Variants in LIMCH1 observed in about 807,000 individuals in gnomAD.
LIMCH1 encodes LIM and calponin homology domains 1, also known as LIM and calponin homology domains-containing protein 1.
A neutral mutation model predicts 176.5 loss-of-function variants in LIMCH1; 113 were observed. The observed-to-expected ratio is 0.64, with a 90% CI of 0.55 to 0.75. LIMCH1 has a LOEUF of 0.75. Ranked by LOEUF, LIMCH1 falls within the 30% of genes least tolerant of loss-of-function variation. The pLI is 0.00. For synonymous variants in LIMCH1, 619 were observed against 645.9 expected, an observed-to-expected ratio of 0.96 and a Z score of 0.63; for missense variants, 1,674 against 1,814.9, an observed-to-expected ratio of 0.92 and a Z score of 1.41.
chr4:41,556,413 A>G (rs1169870290), intron 1 of LIMCH1, among the ~76,000 whole-genome samples: 1 of 149,790 alleles, frequency 6.7e-6, no homozygotes, highest in African/African-American at 2.5e-5. Flanking sequence ...AAAAAAAAAA[A>G]GGAAAGAAAA....
At chr4:41,475,765 C>A (rs1190438089) in intron 1 of LIMCH1, among the ~76,000 whole-genome samples, 1 of 151,968 alleles carries the variant, frequency 6.6e-6, no homozygotes, top group South Asian at 2.1e-4. Context: ...CTAGTGCATG[C>A]GGAGCTTAAA....
intron 1 of LIMCH1, among the ~76,000 whole-genome samples, chr4:41,598,586 A>G (rs2089356047): frequency 6.6e-6 from 1 of 152,204 alleles, no homozygotes; most frequent in African/African-American, 2.4e-5. Flanking sequence ...AGGCAACAAG[A>G]CATGGACAAA....
In LIMCH1 at chr4:41,473,370, G is replaced by A. The variant is rs749874349; in HGVS notation, c.97-21166G>A. On this transcript the variant is annotated intron_variant, in intron 1 of 26. Coordinates refer to the LIMCH1 transcript ENST00000313860. ...GCAGCAATTTAACAAAACAGAGAAA[G>A]AACAGAGCTGTTGATGGTTGGAAAA... is the stretch of plus-strand genomic sequence containing the variant. Among the ~76,000 whole-genome samples the A allele has an allele frequency of 3.3e-5, 5 of 152,186 alleles. No homozygotes were observed. In the East Asian group the frequency reaches 7.7e-4, roughly 23 times the overall value.
intron 2 of LIMCH1, among the ~76,000 whole-genome samples, chr4:41,517,614 C>T (rs2075718292): frequency 6.6e-6 from 1 of 152,184 alleles, no homozygotes; most frequent in Admixed American, 6.5e-5. Flanking sequence ...TTCCAACACT[C>T]TTGTTCATTT....
At chr4:41,662,786 C>G (rs199893832) in intron 19 of LIMCH1, 35 bp from the exon 20 acceptor site, 899 of 1,610,328 alleles carry the variant, frequency 5.6e-4, no homozygotes, top group East Asian at 4.5e-3. Context: ...ATTTTCTTTT[C>G]CTTCTGTACG....
chr4:41,659,418 C>T (rs889339506), intron 18 of LIMCH1, among the ~76,000 whole-genome samples: 2 of 151,986 alleles, frequency 1.3e-5, no homozygotes, highest in Non-Finnish European at 2.9e-5. Context: ...ACATTTTTGC[C>T]ACTAGATGCT....
intron 1 of LIMCH1, among the ~76,000 whole-genome samples, chr4:41,574,065 G>A (rs1469065927): frequency 1.3e-5 from 2 of 152,134 alleles, no homozygotes; most frequent in African/African-American, 2.4e-5. Flanking sequence ...AAACTCAGGC[G>A]GCAGGAAATA....
intron 17 of LIMCH1, among the ~76,000 whole-genome samples, chr4:41,649,517 C>T (rs2094202911): frequency 6.6e-6 from 1 of 152,222 alleles, no homozygotes; most frequent in South Asian, 2.1e-4. Context: ...CATAAAATCT[C>T]CATAACAGCA....
intron 1 of LIMCH1, among the ~76,000 whole-genome samples, chr4:41,494,340 C>CAT (rs2071649038): frequency 1.3e-5 from 2 of 148,798 alleles, no homozygotes; most frequent in East Asian, 3.9e-4. Flanking sequence ...TATACACATA[C>CAT]ATATATATAC....
In LIMCH1 at chr4:41,698,308, A is replaced by G. The variant is rs1021544191; in HGVS notation, c.*1123A>G. On this transcript the variant is annotated 3_prime_UTR_variant, in exon 32 of 32. Coordinates refer to ENST00000503057, the MANE Select transcript of LIMCH1 (RefSeq NM_001330672.2). ...TTATGCCCTGCCCACTTCAATGAAT[A>G]CCTACTCTCCTCCATTCTCCATCAC... The G allele has an allele frequency of 3.9e-5, 6 of 152,228 alleles. No homozygotes were observed. The highest frequency in any genetic ancestry group is 1.4e-4 in the African/African-American group (6 of 41,448). The allele number at this position is 152,228 out of a possible 1,614,324, so 9.4% of individuals were successfully genotyped here. A position where few individuals can be genotyped will look rare whatever the true frequency, so the allele number is the denominator to read the frequency against.
intron 9 of LIMCH1, 48 bp from the exon 10 acceptor site, chr4:41,631,100 T>G: frequency 7.3e-7 from 1 of 1,363,384 alleles, no homozygotes; most frequent in Non-Finnish European, 9.6e-7. Context: ...AAACCTCTTA[T>G]TGATTTGTAC....
intron 22 of LIMCH1, among the ~76,000 whole-genome samples, chr4:41,675,830 C>A (rs1324892630): frequency 6.6e-6 from 1 of 152,268 alleles, no homozygotes; most frequent in Middle Eastern, 3.4e-3. Flanking sequence ...TTGTGTCATG[C>A]GGGCCCCAGG....
chr4:41,565,667 G>A (rs1246425539), intron 1 of LIMCH1, among the ~76,000 whole-genome samples: 2 of 152,052 alleles, frequency 1.3e-5, no homozygotes, highest in African/African-American at 2.4e-5. Flanking sequence ...GAACTATTAG[G>A]TCCCCAAATT....
chr4:41,475,451 G>C (rs1257872579), intron 1 of LIMCH1, among the ~76,000 whole-genome samples: 2 of 152,286 alleles, frequency 1.3e-5, no homozygotes, highest in African/African-American at 2.4e-5. Context: ...GATTGTGTCT[G>C]TTTCTTCCCC....
At chr4:41,526,745 T>C (rs138924408) in intron 3 of LIMCH1, among the ~76,000 whole-genome samples, 558 of 152,344 alleles carry the variant, frequency 3.7e-3, no homozygotes, top group African/African-American at 7.0e-3. Flanking sequence ...AAACTTAACA[T>C]ATTCAAATGG....
intron 14 of LIMCH1, among the ~76,000 whole-genome samples, chr4:41,643,203 C>T (rs371077570): frequency 1.3e-4 from 20 of 152,134 alleles, no homozygotes; most frequent in East Asian, 5.8e-4. Context: ...CAGCTGCCTG[C>T]TAGGGAGCCC....
intron 14 of LIMCH1, 103 bp from the exon 15 acceptor site, chr4:41,644,397 T>G: frequency 7.3e-7 from 1 of 1,373,088 alleles, no homozygotes; most frequent in Non-Finnish European, 9.5e-7. Context: ...GGGGGCAGTT[T>G]TCCAAGCCCG....
intron 1 of LIMCH1, among the ~76,000 whole-genome samples, chr4:41,550,819 T>C (rs538673597): frequency 1.3e-5 from 2 of 152,258 alleles, no homozygotes; most frequent in South Asian, 2.1e-4. Context: ...TATTAAGTTA[T>C]AGTTGGGGGA....
intron 18 of LIMCH1, among the ~76,000 whole-genome samples, chr4:41,655,595 A>G (rs1366643392): frequency 6.6e-6 from 1 of 152,208 alleles, no homozygotes; most frequent in Non-Finnish European, 1.5e-5. Context: ...GTAATTCTCT[A>G]AAAAACATAC....
Sources: allele counts gnomAD v4.1 joint callset (sites outside exome capture counted in the v4.1 genomes callset), GRCh38; gene constraint gnomAD v4.1.1; transcripts MANE v1.5; gene names NCBI Gene and HGNC (gene_info 2026-07-23, HGNC 2026-07-21).